Variants in SLC15A2 observed in about 807,000 individuals in gnomAD.
SLC15A2 encodes solute carrier family 15 member 2.
Under a neutral mutation model 95.5 loss-of-function variants are expected in SLC15A2, and 77 were observed. The observed-to-expected ratio is 0.81, with a 90% CI of 0.67 to 0.97. The LOEUF (loss-of-function observed/expected upper bound fraction) is 0.97, where lower values mean the gene tolerates loss of function less well. Ranked by LOEUF, SLC15A2 falls within the 50% of genes least tolerant of loss-of-function variation. SLC15A2 has a pLI of 0.00. For synonymous variants in SLC15A2, 306 were observed against 306.9 expected, an observed-to-expected ratio of 1.00 and a Z score of 0.03; for missense variants, 893 against 874.4, an observed-to-expected ratio of 1.02 and a Z score of -0.27.
intron 3 of SLC15A2, among the ~76,000 whole-genome samples, chr3:121,897,766 T>C (rs549241345): frequency 6.6e-6 from 1 of 152,362 alleles, no homozygotes; most frequent in East Asian, 1.9e-4. Context: ...TCAGTTGCGG[T>C]ATCTTTTGTT....
At chr3:121,939,573 A>T in intron 20 of SLC15A2, 78 bp downstream of exon 20, 2 of 1,272,522 alleles carry the variant, frequency 1.6e-6, no homozygotes, top group Non-Finnish European at 2.1e-6. Flanking sequence ...CACTGACTTA[A>T]ATAGGTATGT....
At position 121,925,169 on chromosome 3, in the gene SLC15A2, T is replaced by C. The variant is rs1710090147; in HGVS notation, c.1124+136T>C. On this transcript the variant is annotated intron_variant, in intron 13 of 21. Coordinates refer to ENST00000489711, the MANE Select transcript of SLC15A2 (RefSeq NM_021082.4). ...TCATCTATCTGCTTCTATTTTTCCA[T>C]GTTAGACTAACTGCCTATTGACCCT... 5.8e-6 allele frequency: 4 copies of C among 684,406 alleles called. No individual in the cohort carries two copies. The South Asian group carries it at 7.0e-5, about 12-fold the overall frequency. The allele number at this position is 684,406 out of a possible 1,614,324, so 42.4% of individuals were successfully genotyped here. A position where few individuals can be genotyped will look rare whatever the true frequency, so the allele number is the denominator to read the frequency against.
At chr3:121,920,018 T>C (rs919378075) in intron 7 of SLC15A2, among the ~76,000 whole-genome samples, 18 of 152,196 alleles carry the variant, frequency 1.2e-4, no homozygotes, top group African/African-American at 3.9e-4. Context: ...TTTGAAGGTT[T>C]CCATTTTCTT....
chr3:121,903,602 T>C (rs1433753939), intron 3 of SLC15A2, among the ~76,000 whole-genome samples: 6 of 152,314 alleles, frequency 3.9e-5, no homozygotes, highest in African/African-American at 9.6e-5. Flanking sequence ...ATTTATTAAA[T>C]AGGGAATCCT....
At chr3:121,897,330 A>G in intron 2 of SLC15A2, 58 bp from the exon 3 acceptor site, 1 of 1,579,714 alleles carries the variant, frequency 6.3e-7, no homozygotes. Flanking sequence ...TCCATAAGTC[A>G]CTTTAATGCA....
intron 5 of SLC15A2, among the ~76,000 whole-genome samples, chr3:121,914,292 G>C (rs1709834169): frequency 6.6e-6 from 1 of 152,186 alleles, no homozygotes; most frequent in Non-Finnish European, 1.5e-5. Flanking sequence ...AATATGGCAG[G>C]GAGAGATCTG....
chr3:121,894,418 G>C lies in SLC15A2; in HGVS notation c.-59G>C, dbSNP rs375542497. The C allele has an allele frequency of 6.6e-6, 9 of 1,363,292 alleles. No homozygotes were observed. Among genetic ancestry groups the C allele is most frequent in the East Asian group, 4.7e-5 (2 of 42,816 alleles). 84.4% of individuals were successfully genotyped at this position (1,363,292 alleles called of 1,614,324 possible). A position where few individuals can be genotyped will look rare whatever the true frequency, so the allele number is the denominator to read the frequency against. ...TTCTTTTCAGAGTAGGCTGGCAGCT[G>C]TCCTAACTGCCTACTAAAGCCAAAT... On this transcript the variant is annotated 5_prime_UTR_variant, in exon 1 of 22. Transcript: ENST00000489711.
chr3:121,927,514 C>G (rs1710144462), intron 13 of SLC15A2: 1 of 442,336 alleles, frequency 2.3e-6, no homozygotes, highest in African/African-American at 2.0e-5. Context: ...TTGGCTTCTC[C>G]CATGATTGAA....
At chr3:121,914,389 C>G (rs1235477977) in intron 5 of SLC15A2, among the ~76,000 whole-genome samples, 2 of 152,182 alleles carry the variant, frequency 1.3e-5, no homozygotes, top group Non-Finnish European at 2.9e-5. Flanking sequence ...AACTGCTCCA[C>G]AAAGATATTT....
rs1710236627 is a variant in SLC15A2, at chr3:121,931,727, A to T, written c.1753A>T (p.Ile585Phe). Residue 585 changes from isoleucine to phenylalanine, a missense_variant, in exon 19 of 22, where the codon ATT becomes TTT. Coordinates refer to ENST00000489711, the MANE Select transcript of SLC15A2 (RefSeq NM_021082.4). Reference sequence around the variant, plus strand: ...CTTTGGTGCAGCATATCTGTTTGTTATTACTAATGTAAGTAGCTCACAGCC... The same window carrying T: ...CTTTGGTGCAGCATATCTGTTTGTTTTTACTAATGTAAGTAGCTCACAGCC... ...LDFGAAYLFV[I>F]TNNTNQGLQA... 2 of 1,602,770 alleles carry T rather than the reference A, an allele frequency of 1.2e-6. No homozygotes were observed. Among genetic ancestry groups the T allele is most frequent in the Non-Finnish European group, 8.5e-7 (1 of 1,169,966 alleles).
At chr3:121,912,886 A>G in intron 4 of SLC15A2, 135 bp from the exon 5 acceptor site, 1 of 627,950 alleles carries the variant, frequency 1.6e-6, no homozygotes, top group Non-Finnish European at 2.9e-6. Context: ...AGGCAAATGG[A>G]AAGTACCCAT....
chr3:121,928,067 A>C (rs772849270), intron 14 of SLC15A2, among the ~76,000 whole-genome samples: 1 of 152,204 alleles, frequency 6.6e-6, no homozygotes, highest in Non-Finnish European at 1.5e-5. Context: ...GGGAATTCTC[A>C]AACACTAATA....
intron 14 of SLC15A2, 131 bp downstream of exon 14, chr3:121,927,970 T>C: frequency 1.5e-6 from 1 of 679,540 alleles, no homozygotes; most frequent in Non-Finnish European, 2.5e-6. Flanking sequence ...ATCATAAGTA[T>C]TTGTGATAAA....
Position 121,913,094 on chromosome 3 carries a change from G to A in SLC15A2, c.502G>A (p.Gly168Ser). The change falls in exon 5 of 22, where the codon GGT becomes AGT. Residue 168 changes from glycine to serine, a missense_variant. Gly to Ser is a moderately conservative substitution (Grantham distance 56). Transcript: ENST00000489711. ...CATCAAACCCTGTGTGGCAGCTTTT[G>A]GTGGAGACCAGTTTGAAGAAAAACA... ...GGIKPCVAAF[G>S]GDQFEEKHAE... The A allele has an allele frequency of 2.5e-6, 4 of 1,613,822 alleles. No individual in the cohort carries two copies. The highest frequency in any genetic ancestry group is 3.4e-6 in the Non-Finnish European group (4 of 1,179,808).
Position 121,905,929 on chromosome 3 carries a change from T to A in SLC15A2, c.336-5645T>A, listed in dbSNP as rs377502259. Among the ~76,000 whole-genome samples, 14 of 152,320 alleles carry A rather than the reference T, an allele frequency of 9.2e-5. No individual in the cohort carries two copies. The East Asian group carries it at 2.7e-3, about 29-fold the overall frequency. On this transcript the variant is annotated intron_variant, in intron 3 of 21. Coordinates refer to ENST00000489711, the MANE Select transcript of SLC15A2 (RefSeq NM_021082.4). ...GTTAACCTTCTATCTCATTGTTCTG[T>A]CTAATACTGACAGTGGGGTGTTAAA...
intron 3 of SLC15A2, among the ~76,000 whole-genome samples, chr3:121,902,443 T>C (rs575452493): frequency 6.6e-6 from 1 of 152,308 alleles, no homozygotes; most frequent in East Asian, 1.9e-4. Flanking sequence ...ATGTGCCATG[T>C]TGGTTTGTTG....
At chr3:121,905,379 G>A (rs1305725416) in intron 3 of SLC15A2, among the ~76,000 whole-genome samples, 2 of 151,934 alleles carry the variant, frequency 1.3e-5, no homozygotes, top group Middle Eastern at 6.3e-3. Flanking sequence ...GTTATTTCTT[G>A]CCTTCTGCTA....
chr3:121,922,833 G>A lies in SLC15A2; in HGVS notation c.839G>A (p.Trp280Ter), dbSNP rs748787796. ...RSGDIPKRQH[W>*]LDWAAEKYPK... ...GGAGACATTCCAAAGCGACAGCACT[G>A]GCTAGACTGGGCGGCTGAGAAATAT... Residue 280 changes from tryptophan (W) to a stop codon, truncating the protein, a stop_gained, in exon 9 of 22, where the codon TGG becomes TAG. Transcript: ENST00000489711. LOFTEE classifies it high-confidence loss of function. 4.3e-6 allele frequency: 7 copies of A among 1,613,974 alleles called. No homozygotes were observed. The highest frequency in any genetic ancestry group is 2.2e-5 in the East Asian group (1 of 44,884).
chr3:121,913,170 TG>T, intron 5 of SLC15A2, 50 bp downstream of exon 5: 1 of 1,383,104 alleles, frequency 7.2e-7, no homozygotes, highest in Non-Finnish European at 1.0e-6. Flanking sequence ...CCAGCATTAA[TG>T]GGGGTATCTG....
Sources: allele counts gnomAD v4.1 joint callset (sites outside exome capture counted in the v4.1 genomes callset), GRCh38; gene constraint gnomAD v4.1.1; transcripts MANE v1.5; gene names NCBI Gene and HGNC (gene_info 2026-07-23, HGNC 2026-07-21).